Variants in ADGRL2 observed in about 807,000 individuals in gnomAD.
The protein encoded by ADGRL2 is adhesion G protein-coupled receptor L2.
A neutral mutation model predicts 157.4 loss-of-function variants in ADGRL2; 44 were observed. The observed-to-expected ratio is 0.28, with a 90% CI of 0.22 to 0.36. The LOEUF (loss-of-function observed/expected upper bound fraction) is 0.36. ADGRL2 is among the 10% of genes least tolerant of loss of function. The pLI, the probability that ADGRL2 is intolerant of heterozygous loss-of-function variation, is 1.00. For missense variants in ADGRL2, 1,510 were observed against 1,768.9 expected, an observed-to-expected ratio of 0.85 and a Z score of 2.63; for synonymous variants, 585 against 624.7, an observed-to-expected ratio of 0.94 and a Z score of 0.95.
chr1:81,490,987 A>G (rs1477644356), intron 2 of ADGRL2, among the ~76,000 whole-genome samples: 1 of 152,200 alleles, frequency 6.6e-6, no homozygotes, highest in Admixed American at 6.5e-5. Flanking sequence ...TGAGAATCTG[A>G]CCTGTACTTT....
chr1:81,333,567 C>A (rs2100712514), intron 1 of ADGRL2, among the ~76,000 whole-genome samples: 2 of 152,142 alleles, frequency 1.3e-5, no homozygotes, highest in East Asian at 3.9e-4. Context: ...AGGCACCTGC[C>A]ACTGCGCCTG....
At chr1:81,523,183 A>T (rs1000784552) in intron 2 of ADGRL2, among the ~76,000 whole-genome samples, 3 of 152,228 alleles carry the variant, frequency 2.0e-5, no homozygotes, top group Non-Finnish European at 4.4e-5. Flanking sequence ...TATCATAAAG[A>T]TGTCAATTAT....
intron 2 of ADGRL2, among the ~76,000 whole-genome samples, chr1:81,452,479 A>C (rs2077720253): frequency 6.6e-6 from 1 of 152,206 alleles, no homozygotes; most frequent in South Asian, 2.1e-4. Context: ...TGTCATCATT[A>C]GCTATTTGTA....
At chr1:81,785,693 A>T (rs1020262838) in intron 2 of ADGRL2, among the ~76,000 whole-genome samples, 1 of 151,910 alleles carries the variant, frequency 6.6e-6, no homozygotes, top group South Asian at 2.1e-4. Context: ...ATGCTACTGT[A>T]TTCTAGCCTG....
chr1:81,451,079 A>C (rs1274436555), intron 2 of ADGRL2, among the ~76,000 whole-genome samples: 3 of 152,052 alleles, frequency 2.0e-5, no homozygotes, highest in Admixed American at 2.0e-4. Context: ...GTTTTCACAT[A>C]CTTCATGTTC....
At chr1:81,653,086 T>C (rs928412647) in intron 3 of ADGRL2, among the ~76,000 whole-genome samples, 14 of 152,190 alleles carry the variant, frequency 9.2e-5, no homozygotes, top group Non-Finnish European at 1.6e-4. Context: ...TTAATCTAGA[T>C]GCTTATTCAG....
intron 11 of ADGRL2, among the ~76,000 whole-genome samples, chr1:81,960,714 C>G (rs1655071933): frequency 6.6e-6 from 1 of 152,098 alleles, no homozygotes; most frequent in Admixed American, 6.5e-5. Flanking sequence ...ATCAGGTGAT[C>G]CACCTACCTT....
intron 1 of ADGRL2, among the ~76,000 whole-genome samples, chr1:81,396,436 C>T (rs1243687613): frequency 2.6e-5 from 4 of 152,112 alleles, no homozygotes; most frequent in African/African-American, 9.7e-5. Flanking sequence ...TGACCATGTT[C>T]CCGCAAACAA....
chr1:81,792,698 T>C (rs2087407489), intron 2 of ADGRL2, among the ~76,000 whole-genome samples: 1 of 152,102 alleles, frequency 6.6e-6, no homozygotes, highest in South Asian at 2.1e-4. Flanking sequence ...CATATACACA[T>C]ATGCTTATGA....
chr1:81,610,005 G>T (rs1279257380), intron 3 of ADGRL2, among the ~76,000 whole-genome samples: 5 of 152,208 alleles, frequency 3.3e-5, no homozygotes, highest in African/African-American at 7.2e-5. Context: ...TGAAGTGCTT[G>T]CTTGTAGTAG....
chr1:81,510,166 A>C (rs895463378), intron 2 of ADGRL2, among the ~76,000 whole-genome samples: 1 of 152,336 alleles, frequency 6.6e-6, no homozygotes, highest in Non-Finnish European at 1.5e-5. Context: ...ACTAAATTAG[A>C]CTGAACTAAC....
chr1:81,637,138 C>T (rs981448550), intron 3 of ADGRL2, among the ~76,000 whole-genome samples: 1 of 152,112 alleles, frequency 6.6e-6, no homozygotes, highest in Non-Finnish European at 1.5e-5. Context: ...ACCACTGCAC[C>T]GGGCTTGTTG....
At chr1:81,699,928 G>T (rs1172214791) in intron 1 of ADGRL2, 1 of 152,172 alleles carries the variant, frequency 6.6e-6, no homozygotes, top group Non-Finnish European at 1.5e-5. Flanking sequence ...TGTATTTCAG[G>T]ATCTTGAACT....
At chr1:81,712,986 G>C (rs1348312072) in intron 1 of ADGRL2, among the ~76,000 whole-genome samples, 4 of 152,114 alleles carry the variant, frequency 2.6e-5, no homozygotes, top group Non-Finnish European at 4.4e-5. Context: ...TCAAACTCCT[G>C]ACCTCAGGTG....
At chr1:81,682,504 T>C in intron 3 of ADGRL2, among the ~76,000 whole-genome samples, 1 of 152,170 alleles carries the variant, frequency 6.6e-6, no homozygotes, top group Non-Finnish European at 1.5e-5. Flanking sequence ...GAGGCTAGTG[T>C]GGTCTGGCCA....
At chr1:81,532,510 C>T (rs975696564) in intron 2 of ADGRL2, among the ~76,000 whole-genome samples, 3 of 151,230 alleles carry the variant, frequency 2.0e-5, no homozygotes, top group African/African-American at 7.3e-5. Flanking sequence ...ATTACTGTTT[C>T]ACCAGGTTAT....
At chr1:81,540,887 A>G (rs1461227490) in intron 2 of ADGRL2, among the ~76,000 whole-genome samples, 1 of 152,142 alleles carries the variant, frequency 6.6e-6, no homozygotes, top group Non-Finnish European at 1.5e-5. Context: ...AAATGGTGGC[A>G]GTTGAGACAA....
intron 2 of ADGRL2, among the ~76,000 whole-genome samples, chr1:81,486,013 A>G (rs923735900): frequency 2.0e-5 from 3 of 152,178 alleles, no homozygotes; most frequent in African/African-American, 4.8e-5. Flanking sequence ...ATTACCTTCT[A>G]TGGACAAGCC....
At chr1:81,535,064 T>C (rs1253508475) in intron 2 of ADGRL2, among the ~76,000 whole-genome samples, 2 of 152,184 alleles carry the variant, frequency 1.3e-5, no homozygotes, top group Non-Finnish European at 2.9e-5. Context: ...GGATGAGTCT[T>C]ATGTGATTTA....
Sources: allele counts gnomAD v4.1 joint callset (sites outside exome capture counted in the v4.1 genomes callset), GRCh38; gene constraint gnomAD v4.1.1; transcripts MANE v1.5; gene names NCBI Gene and HGNC (gene_info 2026-07-23, HGNC 2026-07-21).